DPT: variants seen among roughly 807,000 people sequenced by gnomAD.
The protein encoded by DPT is dermatopontin.
A neutral mutation model predicts 31.2 loss-of-function variants in DPT; 21 were observed. The ratio of observed to expected loss-of-function variants is 0.67; its 90% CI spans 0.48 to 0.97. The LOEUF (loss-of-function observed/expected upper bound fraction) is 0.97, where lower values mean the gene tolerates loss of function less well. Among genes scored for constraint, DPT ranks in the 50% least tolerant of loss-of-function variants. The pLI is 0.00. For synonymous variants in DPT, 91 were observed against 86.9 expected (o/e 1.05, Z -0.26); for missense variants, 262 against 258.8 (o/e 1.01, Z -0.08).
At chr1:168,716,873 AG>A in intron 1 of DPT, among the ~76,000 whole-genome samples, 1 of 152,346 alleles carries the variant, frequency 6.6e-6, no homozygotes, top group Non-Finnish European at 1.5e-5. Context: ...GTCCCTGCAA[AG>A]GACATGATCT....
In DPT at chr1:168,714,334, G is replaced by A. The variant is rs750232323; in HGVS notation, c.318C>T (p.Cys106=). 3.7e-6 allele frequency: 6 copies of A among 1,614,138 alleles called. No individual in the cohort carries two copies. Among genetic ancestry groups the A allele is most frequent in the Non-Finnish European group, 5.1e-6 (6 of 1,180,022 alleles). The stretch of plus-strand genomic sequence containing the variant: ...ATCCTGCCACCAGCCCATTGTTGGA[G>A]CACGTCTGGTACCTGAAGAGAAGAC... The part of the protein sequence containing the change: ...NRAGMEWYQT[C]SNNGLVAGFQ... The change falls in exon 2 of 4, where the codon TGC becomes TGT. Residue 106 remains cysteine, a synonymous_variant. Coordinates refer to ENST00000367817, the MANE Select transcript of DPT (RefSeq NM_001937.5).
chr1:168,703,733 C>G (rs1649654098), intron 2 of DPT, among the ~76,000 whole-genome samples: 3 of 152,096 alleles, frequency 2.0e-5, no homozygotes, highest in African/African-American at 7.2e-5. Context: ...GGTTGGATAT[C>G]GATGGAAATC....
chr1:168,727,623 G>A (rs1159001569), intron 1 of DPT, among the ~76,000 whole-genome samples: 1 of 149,458 alleles, frequency 6.7e-6, no homozygotes, highest in Admixed American at 6.7e-5. Context: ...CTGCAGCCTC[G>A]ACTCCCTGGG....
intron 2 of DPT, among the ~76,000 whole-genome samples, chr1:168,702,146 C>T (rs185650697): frequency 4.6e-5 from 7 of 152,258 alleles, no homozygotes; most frequent in Admixed American, 4.6e-4. Context: ...AGTCTTTATC[C>T]ACACCCCAGG....
At position 168,729,087 on chromosome 1, in the gene DPT, A is replaced by G. The variant is rs1650316638; in HGVS notation, c.88T>C (p.Tyr30His). ...YGDYGYPYQQ[Y>H]HDYSDDGWVN... ...CACCCATCATCGCTGTAGTCATGATACTGCTGGTATGGGTATCCATAATCG... is the reference window on the plus strand; with the variant it reads ...CACCCATCATCGCTGTAGTCATGATGCTGCTGGTATGGGTATCCATAATCG... The change falls in exon 1 of 4, where the codon TAT becomes CAT. Residue 30 changes from tyrosine (Y) to histidine (H), a missense_variant. Transcript: ENST00000367817. 1 of 1,614,094 alleles carries G rather than the reference A, an allele frequency of 6.2e-7. No homozygotes were observed. Among genetic ancestry groups the G allele is most frequent in the Admixed American group, 1.7e-5 (1 of 60,002 alleles).
At chr1:168,711,480 T>G (rs1181721952) in intron 2 of DPT, among the ~76,000 whole-genome samples, 3 of 152,234 alleles carry the variant, frequency 2.0e-5, no homozygotes, top group African/African-American at 7.2e-5. Context: ...CACTCATCTC[T>G]GCAGAGACCT....
At chr1:168,707,538 G>T (rs1363709339) in intron 2 of DPT, among the ~76,000 whole-genome samples, 1 of 152,166 alleles carries the variant, frequency 6.6e-6, no homozygotes, top group Non-Finnish European at 1.5e-5. Flanking sequence ...AACATAAGGA[G>T]AGAGGTATCA....
intron 2 of DPT, among the ~76,000 whole-genome samples, chr1:168,709,416 G>A (rs752564666): frequency 5.9e-5 from 9 of 152,190 alleles, no homozygotes; most frequent in Non-Finnish European, 1.3e-4. Context: ...CCAATCCAGT[G>A]GAGACCATTT....
chr1:168,712,884 T>C (rs1378151131), intron 2 of DPT, among the ~76,000 whole-genome samples: 2 of 152,064 alleles, frequency 1.3e-5, no homozygotes, highest in African/African-American at 4.8e-5. Context: ...AAGTGCATTT[T>C]CCCCCCTGAA....
intron 2 of DPT, among the ~76,000 whole-genome samples, chr1:168,709,749 C>T (rs1003648916): frequency 2.0e-5 from 3 of 152,146 alleles, no homozygotes; most frequent in African/African-American, 7.2e-5. Flanking sequence ...CCACATGGGT[C>T]CAGTTCCCTG....
intron 2 of DPT, among the ~76,000 whole-genome samples, chr1:168,703,993 G>A (rs189816907): frequency 3.3e-5 from 5 of 152,168 alleles, no homozygotes; most frequent in Non-Finnish European, 7.3e-5. Context: ...GCTCCTTAGA[G>A]AGAAAAAAGA....
At chr1:168,707,998 C>T (rs1649760921) in intron 2 of DPT, among the ~76,000 whole-genome samples, 1 of 152,068 alleles carries the variant, frequency 6.6e-6, no homozygotes, top group South Asian at 2.1e-4. Context: ...CCCATGGATA[C>T]CAAAATTTTC....
chr1:168,727,539 CTTTTTTT>C (rs3076492), intron 1 of DPT, among the ~76,000 whole-genome samples: 1 of 128,134 alleles, frequency 7.8e-6, no homozygotes, highest in East Asian at 2.1e-4. Context: ...TTTCTATTTT[CTTTTTTT>C]TTTTTTTTTG....
chr1:168,722,058 C>A (rs1650127720), intron 1 of DPT, among the ~76,000 whole-genome samples: 1 of 152,110 alleles, frequency 6.6e-6, no homozygotes. Flanking sequence ...AAAATACAGG[C>A]AGGAGAGGCT....
intron 1 of DPT, 35 bp from the exon 2 acceptor site, chr1:168,714,381 G>C (rs1290101112): frequency 6.2e-7 from 1 of 1,613,888 alleles, no homozygotes. Context: ...CCTAAGAACA[G>C]TGACACATAC....
intron 3 of DPT, among the ~76,000 whole-genome samples, chr1:168,697,289 A>G (rs1649487451): frequency 6.6e-6 from 1 of 152,150 alleles, no homozygotes; most frequent in African/African-American, 2.4e-5. Flanking sequence ...ATCTTGTTTT[A>G]AAAAGTCCGT....
At chr1:168,711,441 G>T (rs1572628685) in intron 2 of DPT, among the ~76,000 whole-genome samples, 1 of 152,306 alleles carries the variant, frequency 6.6e-6, no homozygotes, top group Non-Finnish European at 1.5e-5. Context: ...CAACCATGAT[G>T]GCATGGCCAC....
chr1:168,709,495 A>G (rs1474982145), intron 2 of DPT, among the ~76,000 whole-genome samples: 1 of 152,214 alleles, frequency 6.6e-6, no homozygotes, highest in East Asian at 1.9e-4. Flanking sequence ...TGTAATATCC[A>G]AAGAGAAACC....
Position 168,714,280 on chromosome 1 carries a change from C to T in DPT, c.372G>A (p.Leu124=). ...GFQSRYFESV[L]DREWQFYCCR... is the part of the protein sequence containing the mutation. ...AACAGTAAAACTGCCACTCCCGATC[C>T]AGCACTGACTCGAAGTAGCGGCTCT... The change falls in exon 2 of 4, where the codon CTG becomes CTA. Residue 124 remains leucine, a synonymous_variant. Transcript: ENST00000367817. 1 of 1,614,112 alleles carries T rather than the reference C, an allele frequency of 6.2e-7. No homozygotes were observed. The highest frequency in any genetic ancestry group is 8.5e-7 in the Non-Finnish European group (1 of 1,180,020).
Sources: gnomAD v4.1 joint callset for allele counts (sites outside exome capture counted in the v4.1 genomes callset) on GRCh38, gnomAD v4.1.1 for gene constraint, MANE v1.5 for transcripts, NCBI Gene and HGNC (gene_info 2026-07-23, HGNC 2026-07-21) for gene names.